CPSF3: variants seen among roughly 807,000 people sequenced by gnomAD.
CPSF3 encodes the protein cleavage and polyadenylation specificity factor subunit 3.
In CPSF3, 57 loss-of-function variants were observed where a neutral mutation model predicts 84.1. That is an observed-to-expected ratio of 0.68 (90% CI 0.55 to 0.85). The LOEUF (loss-of-function observed/expected upper bound fraction) is 0.85. Among genes scored for constraint, CPSF3 ranks in the 40% least tolerant of loss-of-function variants. The pLI, the probability that CPSF3 is intolerant of heterozygous loss-of-function variation, is 0.00. For synonymous variants in CPSF3, 275 were observed against 278.1 expected (o/e 0.99, Z 0.11); for missense variants, 522 against 838.8 (o/e 0.62, Z 4.66).
At position 9,456,930 on chromosome 2, in the gene CPSF3, C is replaced by T. The variant is rs747322558; in HGVS notation, c.1604-3C>T. The T allele has an allele frequency of 6.5e-7, 1 of 1,543,850 alleles. No homozygotes were observed. Among genetic ancestry groups the T allele is most frequent in the Non-Finnish European group, 8.9e-7 (1 of 1,126,804 alleles). ...ACATCTTATAGTTATGTCTTTCTTT[C>T]AGGTGATGTGGAAGAATTAGAAATT... On this transcript the variant is annotated splice_region_variant and splice_polypyrimidine_tract_variant and intron_variant, in intron 13 of 17. Transcript: ENST00000238112.
intron 10 of CPSF3, among the ~76,000 whole-genome samples, chr2:9,446,168 A>G (rs181462729): frequency 6.6e-6 from 1 of 152,318 alleles, no homozygotes; most frequent in East Asian, 1.9e-4. Context: ...GGCTAAGAAC[A>G]ATCTATCTTG....
At chr2:9,436,457 A>AC in intron 7 of CPSF3, 96 bp downstream of exon 7, 1 of 1,324,776 alleles carries the variant, frequency 7.5e-7, no homozygotes, top group Non-Finnish European at 1.0e-6. Context: ...ACCGTTCTGG[A>AC]CTTCAGTTTT....
At chr2:9,458,014 A>G (rs370946774) in intron 14 of CPSF3, among the ~76,000 whole-genome samples, 3 of 152,112 alleles carry the variant, frequency 2.0e-5, no homozygotes, top group African/African-American at 7.2e-5. Context: ...CCTCGCATAC[A>G]TTCTATTTTT....
In CPSF3 at chr2:9,448,247, T is replaced by C. The variant is rs763126421; in HGVS notation, c.1292T>C (p.Leu431Pro). Residue 431 changes from leucine (L) to proline (P), a missense_variant, in exon 11 of 18, where the codon CTG becomes CCG. Coordinates refer to ENST00000238112, the MANE Select transcript of CPSF3 (RefSeq NM_016207.4). ...GAAATGGCCAGATTGAAAGCAGCAC[T>C]GATTCGAGAATATGAAGATAACGAT... ...QNEMARLKAALIREYEDNDEV... is the reference protein window; with the variant it reads ...QNEMARLKAAPIREYEDNDEV... The C allele has an allele frequency of 3.7e-6, 6 of 1,612,354 alleles. No homozygotes were observed. In the East Asian group the frequency reaches 6.7e-5, roughly 18 times the overall value.
intron 16 of CPSF3, among the ~76,000 whole-genome samples, chr2:9,469,565 G>C (rs375746425): frequency 4.3e-4 from 65 of 152,254 alleles, no homozygotes; most frequent in African/African-American, 1.5e-3. Context: ...GGCAGTCTGC[G>C]GGAGGCTGCG....
chr2:9,451,229 G>A (rs1681319072), intron 11 of CPSF3, among the ~76,000 whole-genome samples: 1 of 152,108 alleles, frequency 6.6e-6, no homozygotes, highest in Non-Finnish European at 1.5e-5. Flanking sequence ...GTACATCACT[G>A]TATTAAAATT....
At chr2:9,453,367 G>C (rs1056264274) in intron 12 of CPSF3, among the ~76,000 whole-genome samples, 1 of 152,172 alleles carries the variant, frequency 6.6e-6, no homozygotes, top group Non-Finnish European at 1.5e-5. Context: ...CTTTGCATAA[G>C]CATTTCAGTT....
chr2:9,427,996 ATT>A (rs1309022693), intron 1 of CPSF3, among the ~76,000 whole-genome samples: 189 of 141,494 alleles, frequency 1.3e-3, no homozygotes, highest in African/African-American at 4.3e-3. Flanking sequence ...AAAAAAAAAA[ATT>A]TTTTTTTTTT....
intron 6 of CPSF3, among the ~76,000 whole-genome samples, chr2:9,435,648 C>G (rs1436156764): frequency 6.6e-6 from 1 of 151,888 alleles, no homozygotes; most frequent in Admixed American, 6.6e-5. Context: ...GACTCCTGAC[C>G]TCAGGTGATC....
chr2:9,430,709 G>A, intron 3 of CPSF3, 43 bp from the exon 4 acceptor site: 2 of 1,572,094 alleles, frequency 1.3e-6, no homozygotes, highest in Non-Finnish European at 1.7e-6. Flanking sequence ...GGTATCTGAT[G>A]GATAATAATT....
intron 7 of CPSF3, among the ~76,000 whole-genome samples, chr2:9,437,952 A>G (rs753636416): frequency 2.0e-5 from 3 of 152,246 alleles, no homozygotes; most frequent in Non-Finnish European, 2.9e-5. Context: ...CAGTGAGCCA[A>G]GATTGTGCCA....
intron 1 of CPSF3, among the ~76,000 whole-genome samples, chr2:9,427,416 A>C (rs1261768702): frequency 6.6e-6 from 1 of 152,212 alleles, no homozygotes; most frequent in East Asian, 1.9e-4. Flanking sequence ...AGGTTGGAAA[A>C]TTTGGGAAAG....
At chr2:9,446,779 G>A (rs143030282) in intron 10 of CPSF3, among the ~76,000 whole-genome samples, 1 of 151,740 alleles carries the variant, frequency 6.6e-6, no homozygotes, top group East Asian at 2.0e-4. Context: ...AATCTGTCTT[G>A]TAAGATAGAA....
chr2:9,471,487 T>A, intron 17 of CPSF3, 48 bp downstream of exon 17: 2 of 1,131,936 alleles, frequency 1.8e-6, no homozygotes, highest in Non-Finnish European at 2.7e-6. Context: ...GGAAATAAAG[T>A]GAAGGCATAA....
chr2:9,463,069 T>A (rs1681783459), intron 15 of CPSF3, among the ~76,000 whole-genome samples: 1 of 152,218 alleles, frequency 6.6e-6, no homozygotes, highest in African/African-American at 2.4e-5. Context: ...GAAACATCAG[T>A]GAACAAAGCA....
intron 15 of CPSF3, among the ~76,000 whole-genome samples, chr2:9,466,302 ACACGCACACTGACG>A (rs1447636701): frequency 2.6e-4 from 30 of 115,464 alleles, no homozygotes; most frequent in East Asian, 1.4e-3. Context: ...AGACGCATGC[ACACGCACACTGACG>A]CACGCACACA....
rs112667230 is a variant in CPSF3 at position 9,436,089 on chromosome 2, G to A, written c.610-122G>A. ...ATTACTATTATGACAACACATGTTC[G>A]AGTAAATGACATGCTAATGGAGAAG... On this transcript the variant is annotated intron_variant, in intron 6 of 17. Transcript: ENST00000238112. 1.9e-4 allele frequency: 153 copies of A among 802,066 alleles called. 1 individual carries two copies. In the African/African-American group the frequency reaches 2.3e-3, roughly 12 times the overall value. The allele number at this position is 802,066 out of a possible 1,614,324, so 49.7% of individuals were successfully genotyped here. A position where few individuals can be genotyped will look rare whatever the true frequency, so the allele number is the denominator to read the frequency against.
intron 11 of CPSF3, among the ~76,000 whole-genome samples, chr2:9,450,463 A>G (rs1481974120): frequency 6.6e-6 from 1 of 151,808 alleles, no homozygotes; most frequent in Non-Finnish European, 1.5e-5. Flanking sequence ...TCTGAGGCTC[A>G]AACTTTTAAT....
intron 12 of CPSF3, among the ~76,000 whole-genome samples, chr2:9,454,836 G>A (rs774326664): frequency 2.0e-5 from 3 of 151,998 alleles, no homozygotes; most frequent in Non-Finnish European, 2.9e-5. Flanking sequence ...GAGCCACTGC[G>A]CCGGGCCCGA....
Sources: gnomAD v4.1 joint callset for allele counts (sites outside exome capture counted in the v4.1 genomes callset) on GRCh38, gnomAD v4.1.1 for gene constraint, MANE v1.5 for transcripts, NCBI Gene and HGNC (gene_info 2026-07-23, HGNC 2026-07-21) for gene names.